Variants in DNAJC1 observed in about 807,000 individuals in gnomAD.
DNAJC1 encodes DnaJ heat shock protein family (Hsp40) member C1.
A neutral mutation model predicts 76.6 loss-of-function variants in DNAJC1; 58 were observed. The ratio of observed to expected loss-of-function variants is 0.76; its 90% CI spans 0.61 to 0.94. The LOEUF (loss-of-function observed/expected upper bound fraction) is 0.94, where lower values mean the gene tolerates loss of function less well. DNAJC1 is among the 40% of genes least tolerant of loss of function. DNAJC1 has a pLI of 0.00. For synonymous variants in DNAJC1, 258 were observed against 267.9 expected (o/e 0.96, Z 0.36); for missense variants, 689 against 677.3 (o/e 1.02, Z -0.19).
At chr10:21,908,183 TA>T (rs1473292068) in intron 6 of DNAJC1, among the ~76,000 whole-genome samples, 2 of 105,940 alleles carry the variant, frequency 1.9e-5, no homozygotes, top group Middle Eastern at 3.7e-3. Flanking sequence ...ATATAATATA[TA>T]AAAATATATA....
intron 9 of DNAJC1, among the ~76,000 whole-genome samples, chr10:21,801,797 C>T (rs959060691): frequency 1.1e-4 from 17 of 152,170 alleles, no homozygotes; most frequent in African/African-American, 3.4e-4. Flanking sequence ...CCACGGAATA[C>T]TATGCAGCCA....
At chr10:21,808,461 A>G (rs911374359) in intron 8 of DNAJC1, among the ~76,000 whole-genome samples, 6 of 152,130 alleles carry the variant, frequency 3.9e-5, no homozygotes, top group Non-Finnish European at 8.8e-5. Flanking sequence ...TAAGTTTCAT[A>G]GTTATTTTAT....
At chr10:21,775,443 T>C (rs1426327076) in intron 9 of DNAJC1, among the ~76,000 whole-genome samples, 2 of 151,858 alleles carry the variant, frequency 1.3e-5, no homozygotes, top group East Asian at 1.9e-4. Context: ...GTGGGCAGGT[T>C]TGGCATCCTC....
At chr10:21,990,393 T>C (rs769609081) in intron 1 of DNAJC1, among the ~76,000 whole-genome samples, 1 of 152,164 alleles carries the variant, frequency 6.6e-6, no homozygotes, top group Non-Finnish European at 1.5e-5. Flanking sequence ...AAGGCCTTAC[T>C]GTGTGGAGAA....
chr10:21,844,289 G>A (rs1170697293), intron 8 of DNAJC1, among the ~76,000 whole-genome samples: 1 of 150,046 alleles, frequency 6.7e-6, no homozygotes, highest in South Asian at 2.1e-4. Context: ...TGTATTTTTA[G>A]TACAGGTTGG....
chr10:21,801,686 G>A (rs1325541097), intron 9 of DNAJC1, among the ~76,000 whole-genome samples: 5 of 152,188 alleles, frequency 3.3e-5, no homozygotes, highest in African/African-American at 4.8e-5. Context: ...ACACATGCAC[G>A]TGAATGTTCA....
chr10:21,882,221 G>T, intron 8 of DNAJC1, 61 bp downstream of exon 8: 1 of 1,458,164 alleles, frequency 6.9e-7, no homozygotes, highest in Non-Finnish European at 9.3e-7. Context: ...AGCTAACCCT[G>T]TATTTTATGT....
chr10:21,991,461 A>G (rs1408863452), intron 1 of DNAJC1, among the ~76,000 whole-genome samples: 1 of 152,210 alleles, frequency 6.6e-6, no homozygotes, highest in Non-Finnish European at 1.5e-5. Flanking sequence ...TACAGAACAA[A>G]GCATGGTCAA....
intron 1 of DNAJC1, among the ~76,000 whole-genome samples, chr10:22,002,635 T>C (rs550320968): frequency 2.0e-5 from 3 of 152,184 alleles, no homozygotes; most frequent in Non-Finnish European, 4.4e-5. Flanking sequence ...AACATCTACC[T>C]AACAGGCTAA....
At chr10:21,823,732 C>CCAT (rs1245227466) in intron 8 of DNAJC1, among the ~76,000 whole-genome samples, 1 of 149,414 alleles carries the variant, frequency 6.7e-6, no homozygotes, top group Non-Finnish European at 1.5e-5. Context: ...CAATAGCTGA[C>CCAT]CAGCTTAAAA....
At position 21,819,397 on chromosome 10, in the gene DNAJC1, G is replaced by A. The variant is rs528883891; in HGVS notation, c.979-13298C>T. Among the ~76,000 whole-genome samples the A allele has an allele frequency of 1.9e-3, 293 of 150,562 alleles. 2 individuals carry two copies. The highest frequency in any genetic ancestry group is 2.7e-3 in the Non-Finnish European group (182 of 67,602). Reference sequence around the variant, plus strand: ...TCCTGGGTGACAAAAGGGAAACTCCGTCTCAAAAAAAAAAAGTTTTGGAGG... The same window carrying A: ...TCCTGGGTGACAAAAGGGAAACTCCATCTCAAAAAAAAAAAGTTTTGGAGG... On this transcript the variant is annotated intron_variant, in intron 8 of 11. Transcript: ENST00000376980.
intron 1 of DNAJC1, among the ~76,000 whole-genome samples, chr10:21,972,285 A>G (rs1325295646): frequency 1.3e-5 from 2 of 152,020 alleles, no homozygotes; most frequent in Admixed American, 1.3e-4. Flanking sequence ...AACAATCTGC[A>G]AACCAGCATG....
At chr10:21,897,491 A>T (rs1376862875) in intron 7 of DNAJC1, among the ~76,000 whole-genome samples, 1 of 152,270 alleles carries the variant, frequency 6.6e-6, no homozygotes, top group Admixed American at 6.5e-5. Flanking sequence ...TGGGCCATGG[A>T]CTTAGGAACC....
At chr10:21,826,884 C>T (rs1835266272) in intron 8 of DNAJC1, among the ~76,000 whole-genome samples, 2 of 152,034 alleles carry the variant, frequency 1.3e-5, no homozygotes, top group Non-Finnish European at 2.9e-5. Flanking sequence ...GTCAGTACCA[C>T]ACCATTTTGA....
At chr10:21,974,906 A>G (rs1358209377) in intron 1 of DNAJC1, among the ~76,000 whole-genome samples, 1 of 152,140 alleles carries the variant, frequency 6.6e-6, no homozygotes, top group Non-Finnish European at 1.5e-5. Flanking sequence ...ATACATCTTA[A>G]AAATACAATG....
chr10:21,902,799 C>T (rs1023467001), intron 7 of DNAJC1, among the ~76,000 whole-genome samples: 5 of 152,072 alleles, frequency 3.3e-5, no homozygotes, highest in Non-Finnish European at 5.9e-5. Context: ...TCTAACACAT[C>T]TACCAAAATT....
chr10:21,899,701 G>A (rs779976246), intron 7 of DNAJC1, among the ~76,000 whole-genome samples: 18 of 152,346 alleles, frequency 1.2e-4, no homozygotes, highest in Non-Finnish European at 2.1e-4. Flanking sequence ...ATCTGTTGAG[G>A]ACGGGAATGG....
intron 8 of DNAJC1, among the ~76,000 whole-genome samples, chr10:21,813,850 A>T (rs1429118326): frequency 6.6e-6 from 1 of 151,966 alleles, no homozygotes; most frequent in African/African-American, 2.4e-5. Flanking sequence ...TGGCCCTCTT[A>T]CTCTGTGGGA....
At chr10:21,794,762 T>A (rs754672746) in intron 9 of DNAJC1, among the ~76,000 whole-genome samples, 36 of 151,530 alleles carry the variant, frequency 2.4e-4, no homozygotes, top group Non-Finnish European at 4.3e-4. Context: ...ATGACACCAT[T>A]AAAAAAAACA....
Sources: allele counts gnomAD v4.1 joint callset (sites outside exome capture counted in the v4.1 genomes callset), GRCh38; gene constraint gnomAD v4.1.1; transcripts MANE v1.5; gene names NCBI Gene and HGNC (gene_info 2026-07-23, HGNC 2026-07-21).